FGF14: variants seen among roughly 807,000 people sequenced by gnomAD.
FGF14 encodes the protein fibroblast growth factor homologous factor 4.
FGF14 carries 5 observed loss-of-function variants against 25.5 expected under a neutral mutation model. The observed-to-expected ratio is 0.20, with a 90% CI of 0.10 to 0.41. The LOEUF (loss-of-function observed/expected upper bound fraction) is 0.41, where lower values mean the gene tolerates loss of function less well. Ranked by LOEUF, FGF14 falls within the 10% of genes least tolerant of loss-of-function variation. The pLI is 1.00. For missense variants in FGF14, 222 were observed against 320.1 expected (o/e 0.69, Z 2.34); for synonymous variants, 138 against 118.3 (o/e 1.17, Z -1.08).
intron 1 of FGF14, among the ~76,000 whole-genome samples, chr13:102,104,972 C>T (rs967138095): frequency 1.6e-5 from 2 of 128,866 alleles, no homozygotes; most frequent in East Asian, 2.1e-4. Context: ...ATCCAGATTA[C>T]GCTGTAGCAA....
intron 1 of FGF14, among the ~76,000 whole-genome samples, chr13:101,883,868 G>A: frequency 6.6e-6 from 1 of 151,712 alleles, no homozygotes; most frequent in Middle Eastern, 3.4e-3. Flanking sequence ...TTCAACACCA[G>A]CTTGGCCTAC....
At chr13:102,202,436 G>A (rs895555220) in intron 1 of FGF14, among the ~76,000 whole-genome samples, 3 of 152,214 alleles carry the variant, frequency 2.0e-5, no homozygotes, top group African/African-American at 7.2e-5. Flanking sequence ...TGATACTACA[G>A]AGAGAGAAGG....
intron 3 of FGF14, among the ~76,000 whole-genome samples, chr13:101,789,890 C>T (rs1464041153): frequency 1.3e-5 from 2 of 151,446 alleles, no homozygotes; most frequent in Non-Finnish European, 2.9e-5. Flanking sequence ...AATGACTTTA[C>T]ATTATTATTC....
At chr13:102,044,445 C>T (rs1447076714) in intron 1 of FGF14, among the ~76,000 whole-genome samples, 1 of 151,962 alleles carries the variant, frequency 6.6e-6, no homozygotes, top group Non-Finnish European at 1.5e-5. Context: ...AAAACCTGTC[C>T]TTCATGTTCA....
At chr13:102,168,213 C>T (rs900988728) in intron 1 of FGF14, among the ~76,000 whole-genome samples, 9 of 152,046 alleles carry the variant, frequency 5.9e-5, no homozygotes, top group Non-Finnish European at 1.0e-4. Context: ...ACAGTGTAAA[C>T]ATTTCCTGAA....
At chr13:101,755,632 G>A (rs1463598300) in intron 3 of FGF14, among the ~76,000 whole-genome samples, 3 of 152,202 alleles carry the variant, frequency 2.0e-5, no homozygotes, top group African/African-American at 7.2e-5. Flanking sequence ...GAAACTGCCT[G>A]AATTGCTGTT....
intron 3 of FGF14, among the ~76,000 whole-genome samples, chr13:101,819,083 C>T (rs1228489429): frequency 1.3e-5 from 2 of 151,578 alleles, no homozygotes; most frequent in Non-Finnish European, 2.9e-5. Context: ...TGCTTTGTAC[C>T]CAGTCAATCA....
intron 1 of FGF14, among the ~76,000 whole-genome samples, chr13:102,019,628 T>C (rs16959620): frequency 0.032 from 4,818 of 152,258 alleles, 246 homozygotes; most frequent in African/African-American, 0.11. Flanking sequence ...TTTTCTACTT[T>C]TAAAGCATAC....
At chr13:101,770,979 A>T (rs145205594) in intron 3 of FGF14, among the ~76,000 whole-genome samples, 8 of 152,220 alleles carry the variant, frequency 5.3e-5, no homozygotes, top group Non-Finnish European at 1.0e-4. Context: ...AATTATATTA[A>T]ACTATATTAA....
In FGF14 at chr13:102,009,881, TTCC is replaced by T. The variant is rs1164943798; in HGVS notation, c.209-134588_209-134586del. On this transcript the variant is annotated intron_variant, in intron 1 of 4. Transcript: ENST00000376131. ...AAATATAGAGGTTATTAGTGAAGCC[TTCC>T]AAAGCCATACAAAGATGATACAAAG... 6.6e-5 allele frequency among the ~76,000 whole-genome samples: 10 copies of T among 152,290 alleles called. No homozygotes were observed. In the East Asian group the frequency reaches 1.9e-3, roughly 29 times the overall value.
chr13:101,779,783 A>T (rs769372022), intron 3 of FGF14, among the ~76,000 whole-genome samples: 1 of 152,206 alleles, frequency 6.6e-6, no homozygotes. Context: ...TAATGGTAAC[A>T]TGATTTGACT....
chr13:101,854,770 C>T (rs1357165508), intron 3 of FGF14, among the ~76,000 whole-genome samples: 1 of 151,994 alleles, frequency 6.6e-6, no homozygotes, highest in Non-Finnish European at 1.5e-5. Context: ...CCTATCAATC[C>T]TACTCTGTAA....
chr13:101,724,389 C>T (rs559416290), intron 4 of FGF14, among the ~76,000 whole-genome samples: 58 of 145,458 alleles, frequency 4.0e-4, no homozygotes, highest in African/African-American at 1.5e-3. Context: ...GGGAACTGAA[C>T]AATGAGAACA....
chr13:101,787,914 C>A (rs994918448), intron 3 of FGF14, among the ~76,000 whole-genome samples: 5 of 152,146 alleles, frequency 3.3e-5, no homozygotes, highest in Admixed American at 6.6e-5. Flanking sequence ...TCTTATTGCC[C>A]AGGCTAGGGT....
At chr13:102,092,213 C>T (rs1381809718) in intron 1 of FGF14, among the ~76,000 whole-genome samples, 1 of 152,154 alleles carries the variant, frequency 6.6e-6, no homozygotes, top group African/African-American at 2.4e-5. Context: ...TTAGCACACA[C>T]TAAAATGGGG....
intron 1 of FGF14, among the ~76,000 whole-genome samples, chr13:102,175,911 AAAAT>A (rs1222056582): frequency 6.6e-6 from 1 of 152,108 alleles, no homozygotes; most frequent in Non-Finnish European, 1.5e-5. Context: ...AAAAGGTCAA[AAAAT>A]AATAGATGTT....
intron 1 of FGF14, among the ~76,000 whole-genome samples, chr13:101,876,241 G>A (rs755996785): frequency 1.7e-4 from 26 of 152,120 alleles, no homozygotes; most frequent in Non-Finnish European, 3.5e-4. Flanking sequence ...ATGTGGTTTT[G>A]CAAAAGCCAT....
intron 1 of FGF14, among the ~76,000 whole-genome samples, chr13:102,023,906 TA>T (rs1257792926): frequency 6.6e-6 from 1 of 152,002 alleles, no homozygotes; most frequent in East Asian, 1.9e-4. Context: ...TGGGAGAAGA[TA>T]AACAAGAATG....
At chr13:102,374,281 C>T (rs1025360564) in intron 1 of FGF14, among the ~76,000 whole-genome samples, 1 of 151,994 alleles carries the variant, frequency 6.6e-6, no homozygotes, top group Non-Finnish European at 1.5e-5. Flanking sequence ...ACAATTTAAT[C>T]AATTCAATTA....
Sources: gnomAD v4.1 joint callset for allele counts (sites outside exome capture counted in the v4.1 genomes callset) on GRCh38, gnomAD v4.1.1 for gene constraint, MANE v1.5 for transcripts, NCBI Gene and HGNC (gene_info 2026-07-23, HGNC 2026-07-21) for gene names.